Variants in EML6 observed in about 807,000 individuals in gnomAD.
EML6 encodes EMAP like 6, also known as echinoderm microtubule-associated protein-like 6.
Under a neutral mutation model 240.1 loss-of-function variants are expected in EML6, and 154 were observed. The ratio of observed to expected loss-of-function variants is 0.64; its 90% CI spans 0.56 to 0.73. The LOEUF (loss-of-function observed/expected upper bound fraction) is 0.73. EML6 is among the 30% of genes least tolerant of loss of function. The pLI is 0.00. For synonymous variants in EML6, 1,148 were observed against 899.0 expected, an observed-to-expected ratio of 1.28 and a Z score of -4.95; for missense variants, 2,964 against 2,474.6, an observed-to-expected ratio of 1.20 and a Z score of -4.20.
chr2:54,906,530 G>C (rs980726716), intron 24 of EML6, among the ~76,000 whole-genome samples: 2 of 152,150 alleles, frequency 1.3e-5, no homozygotes, highest in South Asian at 2.1e-4. Context: ...GGAGGCTCCT[G>C]GGAATGAGCA....
At chr2:54,809,392 A>G (rs1667708598) in intron 2 of EML6, among the ~76,000 whole-genome samples, 2 of 152,166 alleles carry the variant, frequency 1.3e-5, no homozygotes, top group Admixed American at 1.3e-4. Flanking sequence ...GGAGGACACA[A>G]TAGTTGGCCA....
intron 21 of EML6, among the ~76,000 whole-genome samples, chr2:54,897,273 A>C (rs1246202529): frequency 6.6e-6 from 1 of 152,114 alleles, no homozygotes. Flanking sequence ...TTTATGCTTG[A>C]CCAAGGCTTT....
At chr2:54,922,190 A>T (rs539259037) in intron 26 of EML6, among the ~76,000 whole-genome samples, 1 of 152,250 alleles carries the variant, frequency 6.6e-6, no homozygotes, top group African/African-American at 2.4e-5. Flanking sequence ...TATACAAAAT[A>T]TATAATGAAT....
intron 2 of EML6, chr2:54,747,488 A>T (rs1403810616): frequency 3.3e-5 from 5 of 152,202 alleles, no homozygotes; most frequent in Admixed American, 6.5e-5. Context: ...TAATAATGGG[A>T]CATTTTGTGA....
chr2:54,828,868 T>A (rs1360250957), intron 6 of EML6, among the ~76,000 whole-genome samples: 1 of 152,236 alleles, frequency 6.6e-6, no homozygotes, highest in Non-Finnish European at 1.5e-5. Flanking sequence ...ACATTTTCAT[T>A]TAGGTTCAAG....
chr2:54,906,458 G>A (rs1317043782), intron 24 of EML6, among the ~76,000 whole-genome samples: 1 of 152,148 alleles, frequency 6.6e-6, no homozygotes, highest in Non-Finnish European at 1.5e-5. Flanking sequence ...GGAAAGAGAA[G>A]CAAACCTCCC....
chr2:54,772,796 G>A (rs562242913), intron 2 of EML6, among the ~76,000 whole-genome samples: 20 of 152,328 alleles, frequency 1.3e-4, no homozygotes, highest in African/African-American at 4.6e-4. Flanking sequence ...ACAGAACACT[G>A]CCTTTCTCAC....
intron 2 of EML6, among the ~76,000 whole-genome samples, chr2:54,802,611 C>G (rs1670215075): frequency 7.4e-6 from 1 of 135,892 alleles, no homozygotes; most frequent in Non-Finnish European, 1.6e-5. Context: ...GAGTGAGACC[C>G]TGTCTCATAC....
intron 26 of EML6, among the ~76,000 whole-genome samples, chr2:54,925,816 A>G (rs1573156100): frequency 6.6e-6 from 1 of 152,218 alleles, no homozygotes; most frequent in Non-Finnish European, 1.5e-5. Flanking sequence ...ATTGCTTCCC[A>G]TAGCCTCCCT....
At position 54,729,168 on chromosome 2, in the gene EML6, A is replaced by G. The variant is rs369047441; in HGVS notation, c.197+3910A>G. Among the ~76,000 whole-genome samples, 6 of 152,338 alleles carry G rather than the reference A, an allele frequency of 3.9e-5. 1 individual carries two copies. On this transcript the variant is annotated intron_variant, in intron 2 of 41. Transcript: ENST00000356458. ...TAGTTTGTTGTGGGGATTACATACAAAAATGTTTGGCCAGTGGTAAGTGTG... is the reference window on the plus strand; with the variant it reads ...TAGTTTGTTGTGGGGATTACATACAGAAATGTTTGGCCAGTGGTAAGTGTG...
chr2:54,900,515 A>G (rs1673000352), intron 22 of EML6, among the ~76,000 whole-genome samples: 3 of 152,206 alleles, frequency 2.0e-5, no homozygotes, highest in Admixed American at 2.0e-4. Flanking sequence ...GCTTGAAGGG[A>G]CAGGAGGAGA....
At chr2:54,812,322 GAAAA>G (rs11362235) in intron 2 of EML6, among the ~76,000 whole-genome samples, 3 of 145,144 alleles carry the variant, frequency 2.1e-5, no homozygotes, top group Admixed American at 6.8e-5. Flanking sequence ...GCCAAACACT[GAAAA>G]AAAAAAAAAG....
chr2:54,884,865 G>C (rs1284260394), intron 17 of EML6, among the ~76,000 whole-genome samples: 2 of 152,146 alleles, frequency 1.3e-5, no homozygotes, highest in African/African-American at 2.4e-5. Context: ...TATCTAGGGA[G>C]ATTTTCCTCC....
chr2:54,819,773 G>GAA (rs375657743), intron 4 of EML6, among the ~76,000 whole-genome samples: 19,887 of 122,984 alleles, frequency 0.16, 2,123 homozygotes, highest in Non-Finnish European at 0.21. Context: ...GACTGTCTCA[G>GAA]AAAAAAAAAA....
intron 2 of EML6, among the ~76,000 whole-genome samples, chr2:54,796,739 G>T (rs1344552500): frequency 6.6e-6 from 1 of 152,100 alleles, no homozygotes; most frequent in Non-Finnish European, 1.5e-5. Flanking sequence ...GCCTACTTGG[G>T]AGAAAATGTT....
chr2:54,766,013 T>G (rs1428356692), intron 2 of EML6, among the ~76,000 whole-genome samples: 1 of 152,156 alleles, frequency 6.6e-6, no homozygotes, highest in East Asian at 1.9e-4. Context: ...CTCTCTCCCT[T>G]CTTTCCACCT....
chr2:54,966,530 A>G (rs529428952), intron 38 of EML6, among the ~76,000 whole-genome samples: 2 of 152,336 alleles, frequency 1.3e-5, no homozygotes, highest in South Asian at 4.1e-4. Context: ...CATCTGTGTC[A>G]CCCACTGTCC....
chr2:54,968,345 G>A, intron 40 of EML6, 64 bp downstream of exon 40: 1 of 1,460,700 alleles, frequency 6.8e-7, no homozygotes, highest in Non-Finnish European at 9.4e-7. Context: ...GGAGATAGGG[G>A]CCACGTCTAG....
At chr2:54,911,778 CATTGT>C (rs1398897049) in intron 25 of EML6, among the ~76,000 whole-genome samples, 3 of 152,152 alleles carry the variant, frequency 2.0e-5, no homozygotes, top group Non-Finnish European at 4.4e-5. Flanking sequence ...GCAATCTGAC[CATTGT>C]ATTGTATCAA....
Sources: gnomAD v4.1 joint callset for allele counts (sites outside exome capture counted in the v4.1 genomes callset) on GRCh38, gnomAD v4.1.1 for gene constraint, MANE v1.5 for transcripts, NCBI Gene and HGNC (gene_info 2026-07-23, HGNC 2026-07-21) for gene names.